SLC22A5: variants seen among roughly 807,000 people sequenced by gnomAD.
SLC22A5 encodes the protein solute carrier family 22 member 5, also known as organic cation/carnitine transporter 2.
SLC22A5 carries 44 observed loss-of-function variants against 56.7 expected under a neutral mutation model. The observed-to-expected ratio is 0.78, with a 90% CI of 0.61 to 1.00. The LOEUF is 1.00. Ranked by LOEUF, SLC22A5 falls within the 50% of genes least tolerant of loss-of-function variation. The pLI is 0.00. For synonymous variants in SLC22A5, 278 were observed against 292.1 expected, an observed-to-expected ratio of 0.95 and a Z score of 0.49; for missense variants, 675 against 723.0, an observed-to-expected ratio of 0.93 and a Z score of 0.76.
chr5:132,370,747 T>C (rs1025421210), intron 1 of SLC22A5, among the ~76,000 whole-genome samples: 1 of 152,210 alleles, frequency 6.6e-6, no homozygotes, highest in Non-Finnish European at 1.5e-5. Flanking sequence ...TATCCCGTTT[T>C]TCCTCTAGTC....
rs756867867 is a variant in SLC22A5, at chr5:132,370,086, C to T, written c.114C>T (p.Ser38=). The change falls in exon 1 of 10, where the codon TCC becomes TCT. Residue 38 remains serine, a synonymous_variant. Coordinates refer to ENST00000245407, the MANE Select transcript of SLC22A5 (RefSeq NM_003060.4). ...TCCCCAATGGCTTCACCGGCCTGTC[C>T]TCCGTGTTCCTGATAGCGACCCCGG... ...SIIPNGFTGL[S]SVFLIATPEH... is the part of the protein sequence containing the mutation. The T allele has an allele frequency of 7.4e-6, 12 of 1,612,696 alleles. No individual in the cohort carries two copies. Among genetic ancestry groups the T allele is most frequent in the Non-Finnish European group, 1.0e-5 (12 of 1,179,662 alleles).
At chr5:132,378,130 A>T in intron 1 of SLC22A5, 1 of 1,554,838 alleles carries the variant, frequency 6.4e-7, no homozygotes. Context: ...CAGAACACTT[A>T]CTCTCTGCCT....
chr5:132,376,206 C>T (rs553609420), intron 1 of SLC22A5: 1 of 152,340 alleles, frequency 6.6e-6, no homozygotes, highest in South Asian at 2.1e-4. Context: ...AGACCTAGCA[C>T]CTTTCCTGAT....
chr5:132,370,809 A>G (rs928765489), intron 1 of SLC22A5, among the ~76,000 whole-genome samples: 3 of 152,064 alleles, frequency 2.0e-5, no homozygotes, highest in South Asian at 2.1e-4. Context: ...TGAACTTTTA[A>G]AAGTTAAATA....
At chr5:132,382,967 C>T (rs1261028734) in intron 2 of SLC22A5, 2 of 152,340 alleles carry the variant, frequency 1.3e-5, no homozygotes, top group African/African-American at 4.8e-5. Flanking sequence ...GTTTGTGGCA[C>T]TCTCTTTAAA....
chr5:132,370,169 C>G lies in SLC22A5; in HGVS notation c.197C>G (p.Thr66Ser). The change falls in exon 1 of 10, where the codon ACT becomes AGT. Residue 66 changes from threonine (T) to serine (S), a missense_variant. Thr to Ser is a moderately conservative substitution (Grantham distance 58, BLOSUM62 1). Transcript: ENST00000245407. ...ANLSSAWRNH[T>S]VPLRLRDGRE... Reference sequence around the variant, plus strand: ...CTGAGCAGCGCCTGGCGCAACCACACTGTCCCACTGCGGCTGCGGGACGGC... The same window carrying G: ...CTGAGCAGCGCCTGGCGCAACCACAGTGTCCCACTGCGGCTGCGGGACGGC... 2 of 1,605,398 alleles carry G rather than the reference C, an allele frequency of 1.2e-6. No homozygotes were observed. The highest frequency in any genetic ancestry group is 1.7e-6 in the Non-Finnish European group (2 of 1,176,306).
At chr5:132,386,775 A>G in intron 4 of SLC22A5, among the ~76,000 whole-genome samples, 1 of 152,206 alleles carries the variant, frequency 6.6e-6, no homozygotes, top group East Asian at 1.9e-4. Flanking sequence ...GGAGGTGGCC[A>G]GCCAGCATGG....
intron 1 of SLC22A5, among the ~76,000 whole-genome samples, chr5:132,375,673 A>G (rs1752117964): frequency 6.6e-6 from 1 of 152,196 alleles, no homozygotes; most frequent in Non-Finnish European, 1.5e-5. Context: ...GCATGTAGCT[A>G]AAGCATGCAA....
At chr5:132,384,007 G>A in intron 2 of SLC22A5, 140 bp from the exon 3 acceptor site, 1 of 839,788 alleles carries the variant, frequency 1.2e-6, no homozygotes, top group Non-Finnish European at 2.0e-6. Context: ...GTGAGACCGA[G>A]ACTGTCCCTG....
rs889625824 is a variant in SLC22A5 at position 132,369,730 on chromosome 5, G to A, written c.-243G>A. 3.2e-5 allele frequency: 15 copies of A among 466,478 alleles called. No individual in the cohort carries two copies. The South Asian group carries it at 5.0e-4, about 16-fold the overall frequency. The allele number at this position is 466,478 out of a possible 1,614,324, so 28.9% of individuals were successfully genotyped here. On this transcript the variant is annotated 5_prime_UTR_variant, in exon 1 of 10. Transcript: ENST00000245407. The stretch of plus-strand genomic sequence containing the variant: ...GCTCCGCCTTCGCCGGCGCCGCTCT[G>A]CCTGCCAGCGGGGCGCGCCTTGCGG...
intron 4 of SLC22A5, 35 bp downstream of exon 4, chr5:132,385,534 C>T: frequency 6.3e-7 from 1 of 1,593,428 alleles, no homozygotes; most frequent in Non-Finnish European, 8.6e-7. Flanking sequence ...TGCCCACTGG[C>T]AGGATGATTT....
chr5:132,390,298 A>G (rs542733559), intron 6 of SLC22A5: 19 of 347,966 alleles, frequency 5.5e-5, no homozygotes, highest in African/African-American at 4.1e-4. Context: ...ACCTCACTTG[A>G]TGTCTGCCTC....
chr5:132,371,128 A>G (rs1184345422), intron 1 of SLC22A5, among the ~76,000 whole-genome samples: 1 of 152,012 alleles, frequency 6.6e-6, no homozygotes, highest in East Asian at 1.9e-4. Flanking sequence ...CACGACGCCC[A>G]GCTAATTTTT....
At chr5:132,371,985 G>A (rs1420071524) in intron 1 of SLC22A5, among the ~76,000 whole-genome samples, 1 of 152,218 alleles carries the variant, frequency 6.6e-6, no homozygotes, top group Admixed American at 6.5e-5. Flanking sequence ...GTGTGTGCAT[G>A]TGTGTGTTTT....
chr5:132,395,467 T>C lies in SLC22A5; in HGVS notation c.*1195T>C, dbSNP rs192176261. On this transcript the variant is annotated 3_prime_UTR_variant, in exon 10 of 10. Transcript: ENST00000245407. Reference sequence around the variant, plus strand: ...TGATATTTTGTGTTCAGTGTAATTGTCTTCTCTTTGCTGATTATGTTACCA... The same window carrying C: ...TGATATTTTGTGTTCAGTGTAATTGCCTTCTCTTTGCTGATTATGTTACCA... 1.5e-4 allele frequency: 23 copies of C among 152,940 alleles called. No individual in the cohort carries two copies. Among genetic ancestry groups the C allele is most frequent in the African/African-American group, 5.3e-4 (22 of 41,594 alleles). 9.5% of individuals were successfully genotyped at this position (152,940 alleles called of 1,614,324 possible).
intron 2 of SLC22A5, chr5:132,383,159 A>G (rs991037634): frequency 6.6e-6 from 1 of 152,262 alleles, no homozygotes. Flanking sequence ...CCCCATCCCA[A>G]TTACAGCATC....
intron 6 of SLC22A5, chr5:132,389,318 C>T (rs190906832): frequency 7.0e-5 from 27 of 385,292 alleles, no homozygotes; most frequent in African/African-American, 5.2e-4. Context: ...ATTTAGTTCC[C>T]GTCTCCTACC....
chr5:132,390,550 G>T, intron 6 of SLC22A5, 140 bp from the exon 7 acceptor site: 1 of 741,032 alleles, frequency 1.3e-6, no homozygotes. Flanking sequence ...GTAAGACGCA[G>T]GGTTACAGTT....
chr5:132,389,435 T>C (rs1038665163), intron 6 of SLC22A5: 8 of 313,880 alleles, frequency 2.5e-5, no homozygotes, highest in African/African-American at 1.1e-4. Flanking sequence ...TTTCTGGAAA[T>C]GTGGAAGTGG....
Sources: gnomAD v4.1 joint callset for allele counts (sites outside exome capture counted in the v4.1 genomes callset) on GRCh38, gnomAD v4.1.1 for gene constraint, MANE v1.5 for transcripts, NCBI Gene and HGNC (gene_info 2026-07-23, HGNC 2026-07-21) for gene names.